Variants in GKAP1 observed in about 807,000 individuals in gnomAD.
GKAP1 encodes the protein G kinase-anchoring protein 1.
Under a neutral mutation model 56.7 loss-of-function variants are expected in GKAP1, and 31 were observed. That is an observed-to-expected ratio of 0.55 (90% CI 0.41 to 0.74). The LOEUF is 0.74. Among genes scored for constraint, GKAP1 ranks in the 30% least tolerant of loss-of-function variants. The probability of loss-of-function intolerance (pLI) is 0.00; values close to 1 mark genes in which losing one functional copy is unlikely to be tolerated. For synonymous variants in GKAP1, 151 were observed against 138.6 expected (o/e 1.09, Z -0.63); for missense variants, 364 against 402.3 (o/e 0.90, Z 0.82).
chr9:83,815,516 T>G (rs1944570119), intron 2 of GKAP1, among the ~76,000 whole-genome samples: 2 of 151,528 alleles, frequency 1.3e-5, no homozygotes, highest in Non-Finnish European at 2.9e-5. Flanking sequence ...CTCACTAGAA[T>G]CAAGACAGCA....
At chr9:83,782,664 T>C (rs1306528250) in intron 6 of GKAP1, among the ~76,000 whole-genome samples, 1 of 147,628 alleles carries the variant, frequency 6.8e-6, no homozygotes, top group Non-Finnish European at 1.5e-5. Context: ...CCCAGCCTTT[T>C]TTTTTTTTTT....
Position 83,817,696 on chromosome 9 carries a change from C to G in GKAP1, c.-355G>C, listed in dbSNP as rs1944646070. The G allele has an allele frequency of 6.6e-6, 1 of 151,814 alleles. No homozygotes were observed. The highest frequency in any genetic ancestry group is 2.1e-4 in the South Asian group (1 of 4,850). The allele number at this position is 151,814 out of a possible 1,614,324, so 9.4% of individuals were successfully genotyped here. A position where few individuals can be genotyped will look rare whatever the true frequency, so the allele number is the denominator to read the frequency against. ...GGTCGGCCCACAGGCTGGGCACTAA[C>G]GGGTCCCGGGGCGCCGGGGCGGACC... On this transcript the variant is annotated 5_prime_UTR_variant, in exon 1 of 13. Transcript: ENST00000376371.
At chr9:83,779,114 T>C (rs531687903) in intron 7 of GKAP1, among the ~76,000 whole-genome samples, 143 of 152,024 alleles carry the variant, frequency 9.4e-4, no homozygotes, top group African/African-American at 3.4e-3. Flanking sequence ...AATAAATCAA[T>C]GGACAAAAAT....
chr9:83,782,826 G>C (rs1015200604), intron 6 of GKAP1, among the ~76,000 whole-genome samples: 1 of 149,862 alleles, frequency 6.7e-6, no homozygotes, highest in Non-Finnish European at 1.5e-5. Flanking sequence ...GCCACCACAC[G>C]CCCACCTACT....
intron 2 of GKAP1, among the ~76,000 whole-genome samples, chr9:83,807,898 G>A (rs1463524327): frequency 6.6e-6 from 1 of 152,162 alleles, no homozygotes; most frequent in Non-Finnish European, 1.5e-5. Context: ...TATGTTTTCA[G>A]GAGGGAAGAA....
At chr9:83,756,267 G>A (rs1240845527) in intron 8 of GKAP1, among the ~76,000 whole-genome samples, 7 of 151,430 alleles carry the variant, frequency 4.6e-5, no homozygotes, top group Admixed American at 2.0e-4. Context: ...ACCAGAGGTC[G>A]GGAGTTTGAG....
Position 83,780,413 on chromosome 9 carries a change from G to GA in GKAP1, c.563-10dup, listed in dbSNP as rs768310879. 1.2e-6 allele frequency: 1 copy of GA among 855,718 alleles called. No individual in the cohort carries two copies. The highest frequency in any genetic ancestry group is 2.5e-5 in the South Asian group (1 of 40,714). The allele number at this position is 855,718 out of a possible 1,614,324, so 53.0% of individuals were successfully genotyped here. On this transcript the variant is annotated splice_polypyrimidine_tract_variant and intron_variant, in intron 6 of 12. Coordinates refer to ENST00000376371, the MANE Select transcript of GKAP1 (RefSeq NM_025211.4). ...CTTTTTACTAATGTGATCTGTAAAT[G>GA]AAAAAGAAACAAAGATGAAACTTTA...
intron 10 of GKAP1, among the ~76,000 whole-genome samples, chr9:83,745,084 C>G (rs1943269834): frequency 1.3e-5 from 2 of 152,172 alleles, no homozygotes; most frequent in African/African-American, 4.8e-5. Flanking sequence ...GTTGCCCAGG[C>G]TGGAGTGCAG....
At chr9:83,785,313 C>T (rs764753124) in intron 5 of GKAP1, among the ~76,000 whole-genome samples, 5 of 151,786 alleles carry the variant, frequency 3.3e-5, no homozygotes, top group Admixed American at 2.6e-4. Flanking sequence ...TTCTCAAAAG[C>T]GTAGCGGTTG....
chr9:83,811,516 A>T (rs1417887071), intron 2 of GKAP1, among the ~76,000 whole-genome samples: 7 of 152,262 alleles, frequency 4.6e-5, no homozygotes, highest in African/African-American at 1.7e-4. Flanking sequence ...GTATTATGAC[A>T]AATACTGTTA....
At chr9:83,774,169 T>C (rs1223244623) in intron 7 of GKAP1, among the ~76,000 whole-genome samples, 1 of 151,256 alleles carries the variant, frequency 6.6e-6, no homozygotes, top group African/African-American at 2.4e-5. Context: ...CTGTGCCTGG[T>C]CTATACCTAC....
At position 83,810,376 on chromosome 9, in the gene GKAP1, A is replaced by G. The variant is rs143123190; in HGVS notation, c.-43-3816T>C. Among the ~76,000 whole-genome samples the G allele has an allele frequency of 6.6e-4, 101 of 152,372 alleles. 1 individual carries two copies. The highest frequency in any genetic ancestry group is 1.1e-3 in the Non-Finnish European group (75 of 68,034). ...AAAATGAAAAGTTAATGTTCACAGA[A>G]GCAAGTACAATTCTCTCATTAGAAA... On this transcript the variant is annotated intron_variant, in intron 2 of 12. Transcript: ENST00000376371.
chr9:83,803,387 C>T (rs887409191), intron 3 of GKAP1, among the ~76,000 whole-genome samples: 2 of 152,066 alleles, frequency 1.3e-5, no homozygotes, highest in African/African-American at 2.4e-5. Flanking sequence ...CGAGTGCCTG[C>T]GATTGCAGGC....
At chr9:83,812,028 A>C (rs1460829641) in intron 2 of GKAP1, among the ~76,000 whole-genome samples, 1 of 152,034 alleles carries the variant, frequency 6.6e-6, no homozygotes, top group Non-Finnish European at 1.5e-5. Flanking sequence ...GAAGGGAATA[A>C]AACTTAACAT....
At chr9:83,807,276 TA>T (rs1944453089) in intron 2 of GKAP1, among the ~76,000 whole-genome samples, 1 of 152,120 alleles carries the variant, frequency 6.6e-6, no homozygotes, top group African/African-American at 2.4e-5. Flanking sequence ...ACAGCTAAGG[TA>T]AGTGGAGTTT....
At position 83,774,701 on chromosome 9, in the gene GKAP1, C is replaced by CTTTTTTTTTTTTTTTTTTTTTT. The variant is rs1564199151; in HGVS notation, c.585+5680_585+5681insAAAAAAAAAAAAAAAAAAAAAA. Among the ~76,000 whole-genome samples the CTTTTTTTTTTTTTTTTTTTTTT allele has an allele frequency of 5.9e-5, 6 of 100,942 alleles. 3 individuals are homozygous for CTTTTTTTTTTTTTTTTTTTTTT. The highest frequency in any genetic ancestry group is 8.1e-5 in the Non-Finnish European group (4 of 49,358). The allele number at this position is 100,942 out of a possible 152,430, so 66.2% of individuals were successfully genotyped here. A position where few individuals can be genotyped will look rare whatever the true frequency, so the allele number is the denominator to read the frequency against. On this transcript the variant is annotated intron_variant, in intron 7 of 12. Transcript: ENST00000376371. Reference sequence around the variant, plus strand: ...AGAAACTATCAATAAACAGAAACCCCCTTTTTTTTTTTTTTTTTTTTTTTT... The same window carrying CTTTTTTTTTTTTTTTTTTTTTT: ...AGAAACTATCAATAAACAGAAACCCCTTTTTTTTTTTTTTTTTTTTTTCTTTTTTTTTTTTTTTTTTTTTTTT...
intron 8 of GKAP1, among the ~76,000 whole-genome samples, chr9:83,763,945 T>C (rs559823385): frequency 1.1e-4 from 16 of 152,294 alleles, no homozygotes; most frequent in Admixed American, 9.8e-4. Context: ...TTTAAACTTG[T>C]TAATATAAAG....
At chr9:83,800,331 G>GC (rs1944311003) in intron 3 of GKAP1, among the ~76,000 whole-genome samples, 1 of 95,614 alleles carries the variant, frequency 1.0e-5, no homozygotes, top group African/African-American at 3.5e-5. Flanking sequence ...GCCTCCTTAC[G>GC]TTTTTTTTTT....
intron 2 of GKAP1, among the ~76,000 whole-genome samples, chr9:83,808,064 G>A (rs1273732568): frequency 6.6e-6 from 1 of 152,192 alleles, no homozygotes; most frequent in Non-Finnish European, 1.5e-5. Flanking sequence ...TTTTATTACA[G>A]TATCATGTTA....
Sources: allele counts gnomAD v4.1 joint callset (sites outside exome capture counted in the v4.1 genomes callset), GRCh38; gene constraint gnomAD v4.1.1; transcripts MANE v1.5; gene names NCBI Gene and HGNC (gene_info 2026-07-23, HGNC 2026-07-21).